DHRSX: variants seen among roughly 807,000 people sequenced by gnomAD.
DHRSX encodes the protein dehydrogenase/reductase X-linked, also known as polyprenol dehydrogenase.
Under a neutral mutation model 34.0 loss-of-function variants are expected in DHRSX, and 31 were observed. The ratio of observed to expected loss-of-function variants is 0.91; its 90% CI spans 0.69 to 1.23. The LOEUF (loss-of-function observed/expected upper bound fraction) is 1.23, where lower values mean the gene tolerates loss of function less well. Among genes scored for constraint, DHRSX ranks in the 50% most tolerant of loss-of-function variants. The probability of loss-of-function intolerance (pLI) is 0.00; values close to 1 mark genes in which losing one functional copy is unlikely to be tolerated. For synonymous variants in DHRSX, 201 were observed against 183.8 expected (o/e 1.09, Z -0.76); for missense variants, 414 against 428.1 (o/e 0.97, Z 0.29).
chrX:2,250,457 T>C (rs2016411071), intron 5 of DHRSX, among the ~76,000 whole-genome samples: 1 of 152,184 alleles, frequency 6.6e-6, no homozygotes, highest in African/African-American at 2.4e-5. Flanking sequence ...TTCTCTATCA[T>C]ATGCTAAACA....
At chrX:2,488,696 A>C (rs2045019906) in intron 1 of DHRSX, 8 of 1,613,686 alleles carry the variant, frequency 5.0e-6, no homozygotes, top group Non-Finnish European at 6.8e-6. Context: ...CCCCAAGGAG[A>C]ACACCTGCTC....
intron 1 of DHRSX, among the ~76,000 whole-genome samples, chrX:2,457,592 C>T (rs1261293941): frequency 3.3e-5 from 5 of 151,576 alleles, no homozygotes; most frequent in Admixed American, 2.0e-4. Context: ...AAGGGACAGC[C>T]GCCATGTACA....
chrX:2,358,470 G>C (rs1031318709), intron 3 of DHRSX, among the ~76,000 whole-genome samples: 10 of 152,082 alleles, frequency 6.6e-5, no homozygotes, highest in African/African-American at 2.2e-4. Context: ...GGCCGAGGCG[G>C]GTGGATCACA....
intron 3 of DHRSX, among the ~76,000 whole-genome samples, chrX:2,371,475 A>T (rs78616152): frequency 0.013 from 1,684 of 127,182 alleles, 45 homozygotes; most frequent in African/African-American, 0.048. Flanking sequence ...GTTACCATAG[A>T]CCCTCCTCCT....
At chrX:2,399,076 G>C (rs1417573605) in intron 3 of DHRSX, among the ~76,000 whole-genome samples, 6 of 151,862 alleles carry the variant, frequency 4.0e-5, no homozygotes, top group Non-Finnish European at 5.9e-5. Context: ...GGATGGTCTC[G>C]ATCTCCTGAT....
At chrX:2,487,500 G>C (rs980778068) in intron 1 of DHRSX, 1 of 152,256 alleles carries the variant, frequency 6.6e-6, no homozygotes, top group African/African-American at 2.4e-5. Context: ...GAGTAGCTGG[G>C]ATTACAGGCG....
intron 1 of DHRSX, among the ~76,000 whole-genome samples, chrX:2,458,932 G>A (rs2044353622): frequency 6.6e-6 from 1 of 151,952 alleles, no homozygotes; most frequent in South Asian, 2.1e-4. Flanking sequence ...TTCTGCCCAG[G>A]AATTCAAGAC....
At chrX:2,243,799 T>TGTTTGTTTTG (rs1485746466) in intron 5 of DHRSX, among the ~76,000 whole-genome samples, 1 of 23,344 alleles carries the variant, frequency 4.3e-5, no homozygotes, top group African/African-American at 8.3e-5. Flanking sequence ...TTTTTTTTTT[T>TGTTTGTTTTG]TTTTTTTTTT....
At chrX:2,425,691 T>C (rs375877090) in intron 1 of DHRSX, among the ~76,000 whole-genome samples, 2 of 152,204 alleles carry the variant, frequency 1.3e-5, no homozygotes, top group East Asian at 1.9e-4. Context: ...GTTTGCGTTG[T>C]AAAATGTAGA....
At chrX:2,448,435 T>A (rs2044168921) in intron 1 of DHRSX, among the ~76,000 whole-genome samples, 1 of 152,086 alleles carries the variant, frequency 6.6e-6, no homozygotes, top group African/African-American at 2.4e-5. Context: ...ATACATCGCA[T>A]CTTTCAAAAT....
At chrX:2,319,889 C>T (rs1434846058) in intron 3 of DHRSX, among the ~76,000 whole-genome samples, 2 of 151,890 alleles carry the variant, frequency 1.3e-5, no homozygotes, top group Non-Finnish European at 2.9e-5. Flanking sequence ...AGTGCGATGG[C>T]GTGATCTCAG....
At chrX:2,425,146 A>C in intron 2 of DHRSX, 51 bp downstream of exon 2, 1 of 1,481,290 alleles carries the variant, frequency 6.8e-7, no homozygotes, top group Non-Finnish European at 9.3e-7. Context: ...GTCTCAGAAA[A>C]AAAAAAAAAC....
intron 3 of DHRSX, among the ~76,000 whole-genome samples, chrX:2,392,780 T>G (rs2043350194): frequency 7.2e-6 from 1 of 139,746 alleles, no homozygotes; most frequent in Non-Finnish European, 1.5e-5. Context: ...ATACTATTTA[T>G]AGAATAGCAT....
At chrX:2,221,370 T>C in intron 6 of DHRSX, 141 bp from the exon 7 acceptor site, 1 of 847,308 alleles carries the variant, frequency 1.2e-6, no homozygotes, top group Non-Finnish European at 1.8e-6. Flanking sequence ...AAAGCGAGGT[T>C]GGGTGATCAA....
rs1181298128 is a variant in DHRSX at position 2,392,249 on chromosome X, G to A, written c.286+16496C>T. On this transcript the variant is annotated intron_variant, in intron 3 of 6. Coordinates refer to ENST00000334651, the MANE Select transcript of DHRSX (RefSeq NM_145177.3). ...CACTTCAATGGGATTTAAATGCCAT[G>A]CATGTTACAGTTCAGTTTTATGAAA... 5 of 155,310 alleles carry A rather than the reference G, an allele frequency of 3.2e-5. No homozygotes were observed. The East Asian group carries it at 9.3e-4, about 29-fold the overall frequency. The allele number at this position is 155,310 out of a possible 1,614,324, so 9.6% of individuals were successfully genotyped here. A position where few individuals can be genotyped will look rare whatever the true frequency, so the allele number is the denominator to read the frequency against.
chrX:2,445,594 G>A (rs1381459020), intron 1 of DHRSX, among the ~76,000 whole-genome samples: 2 of 152,256 alleles, frequency 1.3e-5, no homozygotes, highest in African/African-American at 4.8e-5. Flanking sequence ...TGCGGCCAAG[G>A]GACCGCTGCC....
intron 3 of DHRSX, among the ~76,000 whole-genome samples, chrX:2,311,346 CT>C (rs2042163491): frequency 6.6e-6 from 1 of 152,194 alleles, no homozygotes; most frequent in Non-Finnish European, 1.5e-5. Context: ...TACGATGGCC[CT>C]CCTCTCCCTC....
chrX:2,260,710 C>T (rs1451059224), intron 5 of DHRSX, among the ~76,000 whole-genome samples: 1 of 152,060 alleles, frequency 6.6e-6, no homozygotes, highest in Non-Finnish European at 1.5e-5. Context: ...ATCTGCTCAC[C>T]TTGGCCTCCC....
chrX:2,389,104 G>A (rs949869982), intron 3 of DHRSX, among the ~76,000 whole-genome samples: 1 of 152,174 alleles, frequency 6.6e-6, no homozygotes, highest in Non-Finnish European at 1.5e-5. Flanking sequence ...ACGAATACAC[G>A]GACCAGAGCA....
Sources: gnomAD v4.1 joint callset for allele counts (sites outside exome capture counted in the v4.1 genomes callset) on GRCh38, gnomAD v4.1.1 for gene constraint, MANE v1.5 for transcripts, NCBI Gene and HGNC (gene_info 2026-07-23, HGNC 2026-07-21) for gene names.